Variants in POFUT3 observed in about 807,000 individuals in gnomAD.
The protein encoded by POFUT3 is protein O-fucosyltransferase 3.
chr8:33,326,371 C>T, the POFUT3 span, among the ~76,000 whole-genome samples: 2 of 152,100 alleles, frequency 1.3e-5, no homozygotes, highest in African/African-American at 4.8e-5. Context: ...CCCCACTCTA[C>T]GTCTATCTGA....
the POFUT3 span, among the ~76,000 whole-genome samples, chr8:33,413,830 C>T: frequency 1.7e-4 from 26 of 152,120 alleles, no homozygotes; most frequent in African/African-American, 6.3e-4. Flanking sequence ...GCATTTCACC[C>T]TCCAAAATGA....
the POFUT3 span, among the ~76,000 whole-genome samples, chr8:33,358,460 G>A: frequency 1.3e-5 from 2 of 152,054 alleles, no homozygotes; most frequent in Non-Finnish European, 2.9e-5. Context: ...ATCATCATGG[G>A]GCAATTAGAA....
chr8:33,390,548 CAAAAAA>C, the POFUT3 span, among the ~76,000 whole-genome samples: 1 of 87,854 alleles, frequency 1.1e-5, no homozygotes, highest in Non-Finnish European at 2.5e-5. Flanking sequence ...TGATTAACTG[CAAAAAA>C]AAAAAAAAAA....
the POFUT3 span, among the ~76,000 whole-genome samples, chr8:33,457,381 A>T: frequency 2.0e-5 from 3 of 152,164 alleles, no homozygotes; most frequent in African/African-American, 7.2e-5. Context: ...CTGTAATCTC[A>T]GCTACTTGGG....
chr8:33,372,477 G>T, the POFUT3 span: 2 of 1,469,316 alleles, frequency 1.4e-6, no homozygotes, highest in African/African-American at 2.8e-5. Context: ...TTATCCTGAT[G>T]GATAGTCAAC....
chr8:33,409,853 G>C, the POFUT3 span, among the ~76,000 whole-genome samples: 1 of 152,162 alleles, frequency 6.6e-6, no homozygotes, highest in African/African-American at 2.4e-5. Context: ...TGCAGTGAGC[G>C]GAGATTGCGC....
chr8:33,445,002 C>G, the POFUT3 span, among the ~76,000 whole-genome samples: 1,619 of 136,348 alleles, frequency 0.012, 33 homozygotes, highest in African/African-American at 0.043. Context: ...AGTGCAATCT[C>G]GACTCACTGC....
the POFUT3 span, among the ~76,000 whole-genome samples, chr8:33,383,509 G>C: frequency 6.6e-6 from 1 of 152,230 alleles, no homozygotes; most frequent in Non-Finnish European, 1.5e-5. Context: ...GTCAAGAACT[G>C]GGTAAGTGGC....
the POFUT3 span, among the ~76,000 whole-genome samples, chr8:33,469,005 G>A: frequency 1.3e-5 from 2 of 152,112 alleles, no homozygotes; most frequent in African/African-American, 4.8e-5. Context: ...TCACAGTAAA[G>A]TGCCATTTAT....
the POFUT3 span, among the ~76,000 whole-genome samples, chr8:33,436,041 G>C: frequency 6.6e-6 from 1 of 151,978 alleles, no homozygotes; most frequent in Admixed American, 6.6e-5. Flanking sequence ...ACACAATGAG[G>C]CCTGCTGGGA....
chr8:33,435,265 T>TG, the POFUT3 span, among the ~76,000 whole-genome samples: 1 of 151,644 alleles, frequency 6.6e-6, no homozygotes, highest in African/African-American at 2.4e-5. Flanking sequence ...TCACCCAGGC[T>TG]GGAGGGCAGT....
the POFUT3 span, among the ~76,000 whole-genome samples, chr8:33,358,584 T>C: frequency 6.6e-6 from 1 of 152,210 alleles, no homozygotes; most frequent in Non-Finnish European, 1.5e-5. Flanking sequence ...TCAGAATGTT[T>C]GTTGCCCTCC....
At chr8:33,435,027 A>G in the POFUT3 span, among the ~76,000 whole-genome samples, 1 of 152,162 alleles carries the variant, frequency 6.6e-6, no homozygotes, top group Admixed American at 6.5e-5. Context: ...TTGATCAATC[A>G]ACAACAGGAA....
chr8:33,335,399 T>C, the POFUT3 span, among the ~76,000 whole-genome samples: 13 of 152,346 alleles, frequency 8.5e-5, no homozygotes, highest in South Asian at 2.1e-3. Flanking sequence ...AATTTGGCAA[T>C]GAAGCCACTC....
the POFUT3 span, among the ~76,000 whole-genome samples, chr8:33,390,867 G>T: frequency 1.3e-5 from 2 of 152,160 alleles, no homozygotes; most frequent in African/African-American, 4.8e-5. Context: ...CAGAAGTGAT[G>T]GATGTGGTAA....
chr8:33,415,420 C>G, the POFUT3 span, among the ~76,000 whole-genome samples: 1 of 152,184 alleles, frequency 6.6e-6, no homozygotes, highest in Non-Finnish European at 1.5e-5. Flanking sequence ...CAAGAGAACC[C>G]AGGGGACACT....
chr8:33,438,935 G>A, the POFUT3 span, among the ~76,000 whole-genome samples: 14 of 139,588 alleles, frequency 1.0e-4, no homozygotes, highest in East Asian at 1.9e-3. Flanking sequence ...TCCACAACAC[G>A]TGGGAATTAT....
chr8:33,342,275 C>G, the POFUT3 span, among the ~76,000 whole-genome samples: 51 of 151,922 alleles, frequency 3.4e-4, no homozygotes, highest in African/African-American at 1.0e-3. Context: ...GAGGATCACT[C>G]AAGCCCAGGA....
At chr8:33,335,200 T>G in the POFUT3 span, among the ~76,000 whole-genome samples, 11 of 151,128 alleles carry the variant, frequency 7.3e-5, no homozygotes, top group East Asian at 2.1e-3. Context: ...TTATACATTT[T>G]ACTGATATAA....
Sources: gnomAD v4.1 joint callset for allele counts (sites outside exome capture counted in the v4.1 genomes callset) on GRCh38, gnomAD v4.1.1 for gene constraint, MANE v1.5 for transcripts, NCBI Gene and HGNC (gene_info 2026-07-23, HGNC 2026-07-21) for gene names.